Variants in NAALADL2 observed in about 807,000 individuals in gnomAD.
NAALADL2 encodes inactive N-acetylated-alpha-linked acidic dipeptidase-like protein 2.
A neutral mutation model predicts 87.2 loss-of-function variants in NAALADL2; 76 were observed. The ratio of observed to expected loss-of-function variants is 0.87; its 90% CI spans 0.72 to 1.05. The LOEUF (loss-of-function observed/expected upper bound fraction) is 1.05. Among genes scored for constraint, NAALADL2 ranks in the 50% least tolerant of loss-of-function variants. The probability of loss-of-function intolerance (pLI) is 0.00; values close to 1 mark genes in which losing one functional copy is unlikely to be tolerated. For missense variants in NAALADL2, 1,089 were observed against 945.8 expected (o/e 1.15, Z -1.99); for synonymous variants, 354 against 331.0 (o/e 1.07, Z -0.75).
intron 2 of NAALADL2, among the ~76,000 whole-genome samples, chr3:174,678,513 A>C (rs1240030565): frequency 6.6e-6 from 1 of 152,096 alleles, no homozygotes; most frequent in Non-Finnish European, 1.5e-5. Context: ...TGATTGTTTC[A>C]TGTTATTACC....
chr3:174,835,340 A>G (rs1013005845), intron 3 of NAALADL2, among the ~76,000 whole-genome samples: 3 of 152,158 alleles, frequency 2.0e-5, no homozygotes, highest in Non-Finnish European at 4.4e-5. Flanking sequence ...CTTATACCAT[A>G]TAAAACGGTT....
At chr3:175,768,818 C>T (rs948379510) in intron 13 of NAALADL2, among the ~76,000 whole-genome samples, 25 of 149,114 alleles carry the variant, frequency 1.7e-4, no homozygotes, top group African/African-American at 6.2e-4. Context: ...GTCCACAGCA[C>T]TCCAGCCTGG....
chr3:174,617,806 AT>A (rs944643361), intron 2 of NAALADL2, among the ~76,000 whole-genome samples: 1 of 151,536 alleles, frequency 6.6e-6, no homozygotes, highest in Non-Finnish European at 1.5e-5. Flanking sequence ...GAATGGACTT[AT>A]TTTTTTCCTT....
intron 1 of NAALADL2, among the ~76,000 whole-genome samples, chr3:175,092,953 G>T (rs897033449): frequency 1.3e-5 from 2 of 151,798 alleles, no homozygotes; most frequent in Admixed American, 1.3e-4. Flanking sequence ...ATGTAAGGGT[G>T]TTACAGATAT....
At chr3:175,002,093 C>A (rs1748314620) in intron 1 of NAALADL2, among the ~76,000 whole-genome samples, 1 of 152,066 alleles carries the variant, frequency 6.6e-6, no homozygotes, top group Non-Finnish European at 1.5e-5. Flanking sequence ...CCATGTGGAG[C>A]CAAGACCTAT....
intron 13 of NAALADL2, among the ~76,000 whole-genome samples, chr3:175,766,137 C>T (rs973071127): frequency 1.3e-5 from 2 of 152,050 alleles, no homozygotes; most frequent in African/African-American, 4.8e-5. Flanking sequence ...CTGTGAGACA[C>T]CAAATATATC....
rs1313378184 is a variant in NAALADL2, at chr3:175,806,201, A to G, written c.*2998A>G. On this transcript the variant is annotated 3_prime_UTR_variant, in exon 14 of 14. Transcript: ENST00000454872. The stretch of plus-strand genomic sequence containing the variant: ...TTCATTCTCTGACTGTACCTGACAA[A>G]CAAAACTCTCCCCGAGAATTCAGGC... The G allele has an allele frequency of 6.6e-6, 1 of 150,762 alleles. No individual in the cohort carries two copies. The highest frequency in any genetic ancestry group is 1.5e-5 in the Non-Finnish European group (1 of 67,874). 9.3% of individuals were successfully genotyped at this position (150,762 alleles called of 1,614,324 possible).
chr3:175,601,273 T>C (rs1161549180), intron 10 of NAALADL2, among the ~76,000 whole-genome samples: 3 of 152,214 alleles, frequency 2.0e-5, no homozygotes, highest in African/African-American at 7.2e-5. Flanking sequence ...AATAACACCA[T>C]ATTAATATCA....
At chr3:175,392,806 C>T (rs901408376) in intron 5 of NAALADL2, among the ~76,000 whole-genome samples, 1 of 152,174 alleles carries the variant, frequency 6.6e-6, no homozygotes, top group African/African-American at 2.4e-5. Context: ...TCTGCAACCA[C>T]CCAAATTCTT....
At chr3:175,439,539 CAGA>C (rs1719341829) in intron 5 of NAALADL2, among the ~76,000 whole-genome samples, 1 of 151,806 alleles carries the variant, frequency 6.6e-6, no homozygotes, top group Non-Finnish European at 1.5e-5. Flanking sequence ...GCCATTCTTG[CAGA>C]AGCCAGGTGG....
chr3:175,378,571 C>G (rs1033314649), intron 5 of NAALADL2, among the ~76,000 whole-genome samples: 1 of 152,132 alleles, frequency 6.6e-6, no homozygotes, highest in African/African-American at 2.4e-5. Flanking sequence ...TCAAGGGCAC[C>G]CTTATGCAAA....
At chr3:174,579,660 CTT>C (rs1264336411) in intron 2 of NAALADL2, among the ~76,000 whole-genome samples, 4 of 151,996 alleles carry the variant, frequency 2.6e-5, no homozygotes, top group African/African-American at 4.8e-5. Context: ...TTTGTCAAAA[CTT>C]ATTGATTTAT....
chr3:175,718,222 T>A, intron 11 of NAALADL2: 1 of 1,051,556 alleles, frequency 9.5e-7, no homozygotes, highest in African/African-American at 1.7e-5. Context: ...TTTTTTTTTT[T>A]TGATTAGTTG....
chr3:175,550,266 G>A (rs1394824837), intron 9 of NAALADL2, among the ~76,000 whole-genome samples: 2 of 152,064 alleles, frequency 1.3e-5, no homozygotes, highest in Non-Finnish European at 2.9e-5. Flanking sequence ...AGGACTTTTA[G>A]TGTACCTTAA....
chr3:174,880,388 A>G (rs1201269285), intron 1 of NAALADL2, among the ~76,000 whole-genome samples: 2 of 152,038 alleles, frequency 1.3e-5, no homozygotes, highest in Admixed American at 6.6e-5. Context: ...GTAAAATTAT[A>G]CCCTTCTTTA....
At chr3:174,787,605 A>ATATATATATATATATATACG (rs1553855453) in intron 3 of NAALADL2, among the ~76,000 whole-genome samples, 26 of 89,248 alleles carry the variant, frequency 2.9e-4, no homozygotes, top group South Asian at 9.7e-4. Flanking sequence ...ATATATATAT[A>ATATATATATATATATATACG]TATATATATA....
chr3:174,958,722 T>C (rs1306414793), intron 1 of NAALADL2, among the ~76,000 whole-genome samples: 1 of 152,048 alleles, frequency 6.6e-6, no homozygotes, highest in African/African-American at 2.4e-5. Flanking sequence ...GGTTAATACA[T>C]TTGTTGAATT....
chr3:174,560,902 C>T (rs1412393949), intron 2 of NAALADL2, among the ~76,000 whole-genome samples: 1 of 152,068 alleles, frequency 6.6e-6, no homozygotes, highest in Non-Finnish European at 1.5e-5. Context: ...TCTCAAACAG[C>T]ACCATTTCAA....
intron 1 of NAALADL2, among the ~76,000 whole-genome samples, chr3:175,072,936 A>G (rs946113360): frequency 2.0e-5 from 3 of 152,004 alleles, no homozygotes; most frequent in African/African-American, 7.2e-5. Context: ...ATGAAAATTT[A>G]TATGCATGCA....
Sources: allele counts gnomAD v4.1 joint callset (sites outside exome capture counted in the v4.1 genomes callset), GRCh38; gene constraint gnomAD v4.1.1; transcripts MANE v1.5; gene names NCBI Gene and HGNC (gene_info 2026-07-23, HGNC 2026-07-21).